Variants in CLSTN2 observed in about 807,000 individuals in gnomAD.
The protein encoded by CLSTN2 is calsyntenin-2.
CLSTN2 carries 48 observed loss-of-function variants against 101.2 expected under a neutral mutation model. The ratio of observed to expected loss-of-function variants is 0.47; its 90% CI spans 0.38 to 0.60. CLSTN2 has a LOEUF of 0.60. Among genes scored for constraint, CLSTN2 ranks in the 20% least tolerant of loss-of-function variants. CLSTN2 has a pLI of 0.00. For synonymous variants in CLSTN2, 481 were observed against 463.6 expected, an observed-to-expected ratio of 1.04 and a Z score of -0.48; for missense variants, 1,160 against 1,238.2, an observed-to-expected ratio of 0.94 and a Z score of 0.95.
chr3:140,477,444 G>T (rs143762496), intron 8 of CLSTN2, among the ~76,000 whole-genome samples: 2 of 152,202 alleles, frequency 1.3e-5, no homozygotes, highest in African/African-American at 4.8e-5. Context: ...GTGGTTTTAG[G>T]TGCAAGAATA....
chr3:140,223,728 C>G (rs918397035), intron 2 of CLSTN2, among the ~76,000 whole-genome samples: 1 of 152,130 alleles, frequency 6.6e-6, no homozygotes, highest in Non-Finnish European at 1.5e-5. Context: ...TTTTGGAAAC[C>G]ATAGCAATTA....
intron 6 of CLSTN2, chr3:140,452,783 A>G (rs1292449564): frequency 1.3e-5 from 2 of 152,216 alleles, no homozygotes; most frequent in Non-Finnish European, 2.9e-5. Context: ...TTGTACAAAA[A>G]AAATGGAGGT....
At chr3:139,940,166 A>G (rs776601400) in intron 1 of CLSTN2, among the ~76,000 whole-genome samples, 1 of 152,210 alleles carries the variant, frequency 6.6e-6, no homozygotes, top group Non-Finnish European at 1.5e-5. Flanking sequence ...GCCTCAAGAT[A>G]TGAGATGAGC....
chr3:140,338,519 G>A (rs2107934271), intron 2 of CLSTN2, among the ~76,000 whole-genome samples: 1 of 152,070 alleles, frequency 6.6e-6, no homozygotes, highest in East Asian at 1.9e-4. Context: ...TTCCCACAAG[G>A]GTGGCAGAAG....
chr3:140,424,449 T>A (rs1173280098), intron 5 of CLSTN2, among the ~76,000 whole-genome samples: 1 of 152,160 alleles, frequency 6.6e-6, no homozygotes, highest in African/African-American at 2.4e-5. Flanking sequence ...AACCCTCAAC[T>A]CTTACTCACT....
At chr3:140,479,478 G>A (rs1481811092) in intron 8 of CLSTN2, among the ~76,000 whole-genome samples, 1 of 152,178 alleles carries the variant, frequency 6.6e-6, no homozygotes, top group East Asian at 1.9e-4. Flanking sequence ...ACAGGAAAAT[G>A]TGACCTAAGG....
intron 1 of CLSTN2, among the ~76,000 whole-genome samples, chr3:140,122,158 A>C (rs1385453588): frequency 6.6e-6 from 1 of 152,170 alleles, no homozygotes; most frequent in Non-Finnish European, 1.5e-5. Context: ...CTTAGAAAAC[A>C]CTTAGGTTTG....
chr3:140,039,848 CAAAT>C (rs1186113821), intron 1 of CLSTN2, among the ~76,000 whole-genome samples: 1 of 152,048 alleles, frequency 6.6e-6, no homozygotes, highest in Non-Finnish European at 1.5e-5. Context: ...TAAGTATAAA[CAAAT>C]GAATTAAACA....
rs5852981 is a variant in CLSTN2, at chr3:140,390,090, T to TAAAA, written c.233-13530_233-13527dup. ...GACTTTTCTTTAAGGAAAGGTTTCT[T>TAAAA]AAAAAAAAAAAATACATAACATATT... On this transcript the variant is annotated intron_variant, in intron 2 of 16. Coordinates refer to ENST00000458420, the MANE Select transcript of CLSTN2 (RefSeq NM_022131.3). Among the ~76,000 whole-genome samples, 5 of 147,436 alleles carry TAAAA rather than the reference T, an allele frequency of 3.4e-5. No individual in the cohort carries two copies. In the South Asian group the frequency reaches 1.1e-3, roughly 31 times the overall value.
intron 1 of CLSTN2, among the ~76,000 whole-genome samples, chr3:140,054,214 G>A (rs1367344815): frequency 6.6e-6 from 1 of 152,156 alleles, no homozygotes; most frequent in Non-Finnish European, 1.5e-5. Context: ...TTTGGGGAGG[G>A]TGGAGAATAG....
chr3:140,401,466 C>T (rs75488297), intron 2 of CLSTN2, among the ~76,000 whole-genome samples: 1 of 152,204 alleles, frequency 6.6e-6, no homozygotes, highest in African/African-American at 2.4e-5. Flanking sequence ...AAATATGTCA[C>T]CTAAACTTTA....
At position 140,264,414 on chromosome 3, in the gene CLSTN2, ATATATATATATAT is replaced by A. The variant is rs1167001776; in HGVS notation, c.232+88342_232+88354del. 1.0e-4 allele frequency among the ~76,000 whole-genome samples: 7 copies of A among 67,436 alleles called. No individual in the cohort carries two copies. In the South Asian group the frequency reaches 2.6e-3, roughly 25 times the overall value. The allele number at this position is 67,436 out of a possible 152,430, so 44.2% of individuals were successfully genotyped here. A position where few individuals can be genotyped will look rare whatever the true frequency, so the allele number is the denominator to read the frequency against. The stretch of plus-strand genomic sequence containing the variant: ...TATATATATATATATATATATATAT[ATATATATATATAT>A]AAAATTAGGCATCTTTAAACAGGAA... On this transcript the variant is annotated intron_variant, in intron 2 of 16. Transcript: ENST00000458420.
rs78460813 is a variant in CLSTN2, at chr3:140,109,248, G to C, written c.110-66703G>C. 3.4e-3 allele frequency among the ~76,000 whole-genome samples: 516 copies of C among 152,256 alleles called. 20 individuals carry two copies. In the East Asian group the frequency reaches 0.065, roughly 19 times the overall value. ...CCTGATCTCAGGCTACTGGCTCCAG[G>C]ATAGTTCTCTCTACTCTACCAGAAA... is the stretch of plus-strand genomic sequence containing the variant. On this transcript the variant is annotated intron_variant, in intron 1 of 16. Transcript: ENST00000458420.
At chr3:139,977,182 T>G (rs996695327) in intron 1 of CLSTN2, among the ~76,000 whole-genome samples, 1 of 152,154 alleles carries the variant, frequency 6.6e-6, no homozygotes, top group African/African-American at 2.4e-5. Flanking sequence ...CCTTAGATGA[T>G]CTCTCATCCC....
chr3:139,963,416 G>T (rs1935543489), intron 1 of CLSTN2, among the ~76,000 whole-genome samples: 1 of 151,982 alleles, frequency 6.6e-6, no homozygotes, highest in African/African-American at 2.4e-5. Flanking sequence ...CCTCCTGTAT[G>T]CCCAATAGAC....
intron 9 of CLSTN2, among the ~76,000 whole-genome samples, chr3:140,544,769 C>T (rs572254831): frequency 6.6e-6 from 1 of 151,654 alleles, no homozygotes; most frequent in Non-Finnish European, 1.5e-5. Flanking sequence ...GGGAGGGGTC[C>T]CAGGAGAGGG....
chr3:140,556,873 C>T (rs1935807099), intron 11 of CLSTN2: 1 of 553,384 alleles, frequency 1.8e-6, no homozygotes, highest in African/African-American at 1.9e-5. Context: ...CTTGAATCCA[C>T]CTTTCTCTAT....
intron 1 of CLSTN2, among the ~76,000 whole-genome samples, chr3:140,135,087 AACACACAC>A (rs780837347): frequency 1.5e-3 from 75 of 51,340 alleles, no homozygotes; most frequent in African/African-American, 3.8e-3. Context: ...CTCTCAAAAA[AACACACAC>A]ACACACACAC....
At chr3:140,536,395 G>A (rs1935359595) in intron 9 of CLSTN2, among the ~76,000 whole-genome samples, 1 of 152,078 alleles carries the variant, frequency 6.6e-6, no homozygotes, top group Non-Finnish European at 1.5e-5. Flanking sequence ...GACCAACACT[G>A]TAGACAATCT....
Sources: allele counts gnomAD v4.1 joint callset (sites outside exome capture counted in the v4.1 genomes callset), GRCh38; gene constraint gnomAD v4.1.1; transcripts MANE v1.5; gene names NCBI Gene and HGNC (gene_info 2026-07-23, HGNC 2026-07-21).